Variants in TTC6 observed in about 807,000 individuals in gnomAD.
The protein encoded by TTC6 is tetratricopeptide repeat domain 6.
TTC6 carries 172 observed loss-of-function variants against 210.4 expected under a neutral mutation model. That is an observed-to-expected ratio of 0.82 (90% CI 0.72 to 0.93). The LOEUF is 0.93. Among genes scored for constraint, TTC6 ranks in the 40% least tolerant of loss-of-function variants. TTC6 has a pLI of 0.00. For synonymous variants in TTC6, 804 were observed against 819.6 expected (o/e 0.98, Z 0.32); for missense variants, 2,414 against 2,318.1 (o/e 1.04, Z -0.85).
chr14:37,622,018 A>G, upstream of TTC6: 2 of 1,351,238 alleles, frequency 1.5e-6, no homozygotes, highest in African/African-American at 1.5e-5. Flanking sequence ...CGCACACAAC[A>G]TATGTGATTG....
chr14:37,735,462 C>T (rs190987354), intron 7 of TTC6, among the ~76,000 whole-genome samples: 98 of 152,130 alleles, frequency 6.4e-4, no homozygotes, highest in African/African-American at 2.0e-3. Flanking sequence ...CATACTTAAC[C>T]GATAGAATTC....
chr14:37,793,694 T>C (rs537943558), intron 17 of TTC6, among the ~76,000 whole-genome samples: 4 of 152,248 alleles, frequency 2.6e-5, no homozygotes, highest in African/African-American at 7.2e-5. Context: ...TCTGAGCACA[T>C]AGAGAAATGG....
At chr14:37,841,409 C>T (rs1035749975) in intron 29 of TTC6, 36 bp from the exon 32 acceptor site, 2 of 1,535,968 alleles carry the variant, frequency 1.3e-6, no homozygotes, top group East Asian at 2.3e-5. Context: ...TAGTAAGTTG[C>T]CAATTAAAAT....
At chr14:37,706,782 CTTTGT>C (rs1457185635) in intron 5 of TTC6, among the ~76,000 whole-genome samples, 4 of 151,890 alleles carry the variant, frequency 2.6e-5, no homozygotes, top group Non-Finnish European at 5.9e-5. Context: ...GTGAAAACCA[CTTTGT>C]TTTATTTTTT....
intron 22 of TTC6, among the ~76,000 whole-genome samples, chr14:37,806,958 T>G (rs1167122110): frequency 1.3e-5 from 2 of 152,158 alleles, no homozygotes; most frequent in Admixed American, 6.5e-5. Flanking sequence ...TAAGTTATCT[T>G]GGATATATAA....
Position 37,823,719 on chromosome 14 carries a change from A to G in TTC6, c.4764-28A>G, listed in dbSNP as rs1382265710. On this transcript the variant is annotated intron_variant, in intron 26 of 30. Coordinates refer to ENST00000553443, the Ensembl canonical transcript of TTC6. Reference sequence around the variant, plus strand: ...CACCAGAATGCATCAGTTCACCAGAAGGCATCAATATTTTTATTTATTTGC... The same window carrying G: ...CACCAGAATGCATCAGTTCACCAGAGGGCATCAATATTTTTATTTATTTGC... 4 of 1,587,976 alleles carry G rather than the reference A, an allele frequency of 2.5e-6. No homozygotes were observed. The African/African-American group carries it at 5.4e-5, about 21-fold the overall frequency.
At chr14:37,721,315 CTT>C (rs1325793651) in intron 6 of TTC6, among the ~76,000 whole-genome samples, 2 of 152,056 alleles carry the variant, frequency 1.3e-5, no homozygotes, top group African/African-American at 4.8e-5. Context: ...GGAAAATACT[CTT>C]CAGTTATTTA....
At chr14:37,761,072 C>A (rs529918123) in intron 14 of TTC6, among the ~76,000 whole-genome samples, 7 of 152,248 alleles carry the variant, frequency 4.6e-5, no homozygotes, top group South Asian at 2.1e-4. Flanking sequence ...CTAAAAAGAA[C>A]TCCTGCAGCT....
rs12586727 is a variant in TTC6, at chr14:37,749,138, A to C, written c.2563A>C (p.Ile855Leu). Residue 855 changes from isoleucine to leucine, a missense_variant, in exon 11 of 31, where the codon ATA becomes CTA. Physicochemically the swap from Ile to Leu is conservative, Grantham distance 5 (BLOSUM62 2). Transcript: ENST00000553443. ...GCTCATTGAGTACAAAGATGCGAGC[A>C]TACCTGTAAAAGAGAAAGATGATAA... The C allele has an allele frequency of 9.1e-6, 14 of 1,535,422 alleles. No homozygotes were observed. The East Asian group carries it at 3.2e-4, about 35-fold the overall frequency.
exon 14 of TTC6, chr14:37,753,197 A>C: frequency 6.5e-7 from 1 of 1,535,290 alleles, no homozygotes; most frequent in Non-Finnish European, 8.7e-7. Flanking sequence ...AGGATTTTAC[A>C]GCCTTGTTAA....
Position 37,825,440 on chromosome 14 carries a change from A to T in TTC6, c.4975-755A>T, listed in dbSNP as rs117922002. 3.8e-3 allele frequency among the ~76,000 whole-genome samples: 577 copies of T among 152,210 alleles called. 24 individuals carry two copies. The East Asian group carries it at 0.087, about 23-fold the overall frequency. ...AGGCTCAGCTTGGTTAAAGTGAGTCAGCTTCCGAGATCTGGCAAGATGGGT... is the reference window on the plus strand; with the variant it reads ...AGGCTCAGCTTGGTTAAAGTGAGTCTGCTTCCGAGATCTGGCAAGATGGGT... On this transcript the variant is annotated intron_variant, in intron 27 of 30. Coordinates refer to ENST00000553443, the Ensembl canonical transcript of TTC6.
At chr14:37,776,971 G>A (rs187501357) in intron 14 of TTC6, among the ~76,000 whole-genome samples, 188 of 152,272 alleles carry the variant, frequency 1.2e-3, no homozygotes, top group African/African-American at 4.4e-3. Context: ...TCTGCTGTTA[G>A]CCTAATGAGG....
At chr14:37,652,779 G>A (rs1379074731) in intron 1 of TTC6, among the ~76,000 whole-genome samples, 1 of 152,102 alleles carries the variant, frequency 6.6e-6, no homozygotes, top group Non-Finnish European at 1.5e-5. Context: ...GGAATATAAT[G>A]ATTTATTGCT....
At chr14:37,737,213 C>T (rs904418555) in intron 8 of TTC6, among the ~76,000 whole-genome samples, 2 of 152,014 alleles carry the variant, frequency 1.3e-5, no homozygotes, top group African/African-American at 2.4e-5. Context: ...GTAACACTTG[C>T]GTGGTTTCCT....
At chr14:37,828,376 C>T (rs2096177163) in intron 29 of TTC6, among the ~76,000 whole-genome samples, 1 of 151,512 alleles carries the variant, frequency 6.6e-6, no homozygotes, top group Non-Finnish European at 1.5e-5. Flanking sequence ...TTATTTTCAC[C>T]CTTTCATTTA....
Position 37,756,144 on chromosome 14 carries a change from C to T in TTC6, c.3266+2909C>T, listed in dbSNP as rs527475005. Among the ~76,000 whole-genome samples, 13 of 152,234 alleles carry T rather than the reference C, an allele frequency of 8.5e-5. No individual in the cohort carries two copies. In the South Asian group the frequency reaches 2.7e-3, roughly 32 times the overall value. On this transcript the variant is annotated intron_variant, in intron 14 of 30. Coordinates refer to ENST00000553443, the Ensembl canonical transcript of TTC6. ...ATGGGAGTTCACTCATGATTTGGCT[C>T]TCTGTTCGTCTATTATTGGTGTATA...
intron 1 of TTC6, among the ~76,000 whole-genome samples, chr14:37,669,771 T>G (rs1255524623): frequency 1.3e-5 from 2 of 152,190 alleles, no homozygotes; most frequent in East Asian, 3.9e-4. Context: ...ATATAATTCC[T>G]TGGACTTAGA....
At chr14:37,777,650 C>A (rs574393491) in intron 14 of TTC6, among the ~76,000 whole-genome samples, 1 of 152,098 alleles carries the variant, frequency 6.6e-6, no homozygotes, top group Non-Finnish European at 1.5e-5. Context: ...GGAGTGAATG[C>A]GGTCATTTGG....
chr14:37,781,766 T>C (rs1235544469), intron 14 of TTC6, among the ~76,000 whole-genome samples: 1 of 152,146 alleles, frequency 6.6e-6, no homozygotes, highest in Non-Finnish European at 1.5e-5. Context: ...TTAGGTCTGA[T>C]GTTTAAGTCT....
Sources: gnomAD v4.1 joint callset for allele counts (sites outside exome capture counted in the v4.1 genomes callset) on GRCh38, gnomAD v4.1.1 for gene constraint, MANE v1.5 for transcripts, NCBI Gene and HGNC (gene_info 2026-07-23, HGNC 2026-07-21) for gene names.